ATP13A3: variants seen among roughly 807,000 people sequenced by gnomAD.
The protein encoded by ATP13A3 is ATPase 13A3.
ATP13A3 carries 59 observed loss-of-function variants against 158.1 expected under a neutral mutation model. The observed-to-expected ratio is 0.37, with a 90% CI of 0.30 to 0.46. ATP13A3 has a LOEUF of 0.46. Among genes scored for constraint, ATP13A3 ranks in the 20% least tolerant of loss-of-function variants. The pLI is 1.00. For missense variants in ATP13A3, 1,166 were observed against 1,525.2 expected (o/e 0.76, Z 3.92); for synonymous variants, 491 against 504.3 (o/e 0.97, Z 0.35).
intron 15 of ATP13A3, among the ~76,000 whole-genome samples, chr3:194,443,892 CT>C (rs1231788234): frequency 2.0e-5 from 3 of 152,128 alleles, no homozygotes; most frequent in Non-Finnish European, 4.4e-5. Context: ...ATAAGATAGA[CT>C]TCCCAACAGA....
intron 15 of ATP13A3, among the ~76,000 whole-genome samples, chr3:194,442,260 A>G (rs894946587): frequency 6.6e-6 from 1 of 152,190 alleles, no homozygotes; most frequent in African/African-American, 2.4e-5. Context: ...CTAGCAAACA[A>G]TTCACCAAGA....
rs1717238597 is a variant in ATP13A3 at position 194,431,743 on chromosome 3, T to C, written c.2395A>G (p.Ser799Gly). Residue 799 changes from serine (S) to glycine (G), a missense_variant, in exon 22 of 34, where the codon AGT becomes GGT. By Grantham distance (56) the Ser-to-Gly change is moderately conservative (BLOSUM62 0). Around this residue, in one of 3 missense-constraint regions of ATP13A3, gnomAD observed 997 missense variants for 1,341.2 expected, o/e 0.74. Transcript: ENST00000645319. Reference protein sequence around the residue: ...WHYADSLTQCSHPSAIDPEAI... With the variant: ...WHYADSLTQCGHPSAIDPEAI... ...TCTGGGTCAATTGCTGATGGATGAC[T>C]GCACTGCGTGAGGGAGTCTGCATAA... 3.7e-6 allele frequency: 6 copies of C among 1,604,226 alleles called. No individual in the cohort carries two copies. Among genetic ancestry groups the C allele is most frequent in the Non-Finnish European group, 4.3e-6 (5 of 1,176,162 alleles).
intron 33 of ATP13A3, among the ~76,000 whole-genome samples, chr3:194,411,188 G>A (rs1417010300): frequency 6.6e-6 from 1 of 152,100 alleles, no homozygotes; most frequent in East Asian, 1.9e-4. Flanking sequence ...CAGGACATCA[G>A]GCCTGCTGGA....
rs753941139 is a variant in ATP13A3 at position 194,447,990 on chromosome 3, T to C, written c.1170A>G (p.Gly390=). The change falls in exon 13 of 34, where the codon GGA becomes GGG. Residue 390 remains glycine (G), a synonymous_variant. Transcript: ENST00000645319. ...VVRTGFSTSK[G]QLVRSILYPK... is the part of the protein sequence containing the mutation. ...GATACAATATGGAACGAACAAGCTG[T>C]CCTTTGGAAGTACTAAATCCTTTCA... 5 of 1,607,956 alleles carry C rather than the reference T, an allele frequency of 3.1e-6. No individual in the cohort carries two copies. The highest frequency in any genetic ancestry group is 2.2e-5 in the East Asian group (1 of 44,836).
At position 194,448,849 on chromosome 3, in the gene ATP13A3, C is replaced by G. The variant is rs1718590513; in HGVS notation, c.971-213G>C. Among the ~76,000 whole-genome samples the G allele has an allele frequency of 6.6e-6, 1 of 152,066 alleles. No homozygotes were observed. The highest frequency in any genetic ancestry group is 6.6e-5 in the Admixed American group (1 of 15,262). ...ACATAGAAGTATCAAATATTATCTC[C>G]CACAATAATTCCAGAAAGTGATTTG... On this transcript the variant is annotated intron_variant, in intron 11 of 33. Transcript: ENST00000645319. This position sits in a 1 kb window ranked among gnomAD's most constrained non-coding sequence, Gnocchi z 4.0.
rs1162676111 is a variant in ATP13A3 at position 194,420,029 on chromosome 3, C to A, written c.3314-62G>T. 7 of 1,429,450 alleles carry A rather than the reference C, an allele frequency of 4.9e-6. No individual in the cohort carries two copies. The Admixed American group carries it at 9.8e-5, about 20-fold the overall frequency. The allele number at this position is 1,429,450 out of a possible 1,614,324, so 88.5% of individuals were successfully genotyped here. ...GAAATTCCTTTATATAAAAAGGCAT[C>A]CAATAACAGCTGGTATACTGTCATT... On this transcript the variant is annotated intron_variant, in intron 30 of 33. Transcript: ENST00000645319.
chr3:194,420,691 C>T (rs1217979458), intron 30 of ATP13A3, among the ~76,000 whole-genome samples: 1 of 151,162 alleles, frequency 6.6e-6, no homozygotes. Context: ...AAACTGCTTG[C>T]TCATGGCCAT....
At chr3:194,453,846 G>T in intron 9 of ATP13A3, 68 bp from the exon 10 acceptor site, 1 of 1,213,060 alleles carries the variant, frequency 8.2e-7, no homozygotes, top group Non-Finnish European at 1.2e-6. Flanking sequence ...AAGCCAGAGT[G>T]CTAAAAAAAT....
intron 2 of ATP13A3, among the ~76,000 whole-genome samples, chr3:194,478,477 A>G (rs138490703): frequency 3.3e-5 from 5 of 152,230 alleles, no homozygotes; most frequent in Non-Finnish European, 5.9e-5. Flanking sequence ...TAGAGAGATG[A>G]AACCCAAGCA....
chr3:194,486,316 A>T (rs1720969627), intron 1 of ATP13A3, among the ~76,000 whole-genome samples: 1 of 151,888 alleles, frequency 6.6e-6, no homozygotes, highest in African/African-American at 2.4e-5. Flanking sequence ...AGCTCTGACT[A>T]CCAACCACCA....
At chr3:194,469,948 T>C (rs879235797) in intron 2 of ATP13A3, among the ~76,000 whole-genome samples, 1 of 152,130 alleles carries the variant, frequency 6.6e-6, no homozygotes, top group Non-Finnish European at 1.5e-5. Flanking sequence ...CCTATACAAA[T>C]ATATACAAAA....
At chr3:194,418,194 T>A (rs1361057015) in intron 31 of ATP13A3, among the ~76,000 whole-genome samples, 1 of 152,126 alleles carries the variant, frequency 6.6e-6, no homozygotes, top group Admixed American at 6.5e-5. Context: ...AAGCTATACA[T>A]AAAATTAATT....
At chr3:194,472,672 G>A (rs966377073) in intron 2 of ATP13A3, among the ~76,000 whole-genome samples, 8 of 152,004 alleles carry the variant, frequency 5.3e-5, no homozygotes, top group Admixed American at 3.9e-4. Context: ...AAAATAAATC[G>A]TTCTACAAAA....
At chr3:194,421,329 G>A (rs569855477) in intron 30 of ATP13A3, among the ~76,000 whole-genome samples, 50 of 146,796 alleles carry the variant, frequency 3.4e-4, no homozygotes, top group Middle Eastern at 3.6e-3. Context: ...CGAGGCGGGC[G>A]GATCACGAGG....
intron 22 of ATP13A3, 117 bp from the exon 23 acceptor site, chr3:194,431,343 G>C (rs1290569774): frequency 3.7e-5 from 44 of 1,194,994 alleles, no homozygotes; most frequent in Non-Finnish European, 4.9e-5. Context: ...TCCACAACAT[G>C]ATGAAAGCCG....
At chr3:194,490,285 A>G (rs2109095920), upstream of ATP13A3, among the ~76,000 whole-genome samples, 1 of 152,310 alleles carries the variant, frequency 6.6e-6, no homozygotes, top group Non-Finnish European at 1.5e-5. This position sits in a 1 kb window ranked among gnomAD's most constrained non-coding sequence, Gnocchi z 4.4. Context: ...TCCTCCTAAC[A>G]GAGCTAGCTC....
chr3:194,480,972 C>T (rs1233746287), intron 2 of ATP13A3, among the ~76,000 whole-genome samples: 2 of 152,170 alleles, frequency 1.3e-5, no homozygotes, highest in Admixed American at 1.3e-4. Context: ...AAAAACTGGA[C>T]ACTAGAATTG....
intron 2 of ATP13A3, among the ~76,000 whole-genome samples, chr3:194,483,616 C>A (rs1720847479): frequency 6.6e-6 from 1 of 152,040 alleles, no homozygotes; most frequent in Admixed American, 6.6e-5. Flanking sequence ...GTTTTGACGA[C>A]TACAGATTTA....
rs1370550262 is a variant in ATP13A3 at position 194,404,612 on chromosome 3, T to C, written c.*1307A>G. 1 of 152,268 alleles carries C rather than the reference T, an allele frequency of 6.6e-6. No individual in the cohort carries two copies. The highest frequency in any genetic ancestry group is 1.5e-5 in the Non-Finnish European group (1 of 68,064). 9.4% of individuals were successfully genotyped at this position (152,268 alleles called of 1,614,324 possible). ...GTTGCCAGACTGCTGGATCCACCTA[T>C]AAAAGGTGTTTTTTAAAAGTTACCT... On this transcript the variant is annotated 3_prime_UTR_variant, in exon 34 of 34. Transcript: ENST00000645319.
Sources: allele counts gnomAD v4.1 joint callset (sites outside exome capture counted in the v4.1 genomes callset), GRCh38; gene constraint gnomAD v4.1.1; regional missense constraint gnomAD v4.1.1; non-coding constraint Gnocchi (gnomAD v3.1); transcripts MANE v1.5; gene names NCBI Gene and HGNC (gene_info 2026-07-23, HGNC 2026-07-21).